The following DOCK1 variants were observed in gnomAD, a reference collection of about 807,000 sequenced individuals.
DOCK1 encodes dedicator of cytokinesis protein 1.
DOCK1 carries 138 observed loss-of-function variants against 262.7 expected under a neutral mutation model. The observed-to-expected ratio is 0.53, with a 90% CI of 0.46 to 0.61. DOCK1 has a LOEUF of 0.61. Among genes scored for constraint, DOCK1 ranks in the 20% least tolerant of loss-of-function variants. The probability of loss-of-function intolerance (pLI) is 0.00; values close to 1 mark genes in which losing one functional copy is unlikely to be tolerated. For missense variants in DOCK1, 1,908 were observed against 2,370.7 expected (o/e 0.80, Z 4.05); for synonymous variants, 866 against 867.4 (o/e 1.00, Z 0.03).
At position 127,399,697 on chromosome 10, in the gene DOCK1, T is replaced by C. The variant is rs935051783; in HGVS notation, c.3928-3358T>C. 3.3e-5 allele frequency among the ~76,000 whole-genome samples: 5 copies of C among 152,158 alleles called. No individual in the cohort carries two copies. In the South Asian group the frequency reaches 1.0e-3, roughly 31 times the overall value. On this transcript the variant is annotated intron_variant, in intron 38 of 51. Coordinates refer to ENST00000623213, the MANE Select transcript of DOCK1 (RefSeq NM_001290223.2). ...AGGAATGAATTAGAAGCCCTGGCATTCTAGGCAGCTACAGAGTTTGTATCC... is the reference window on the plus strand; with the variant it reads ...AGGAATGAATTAGAAGCCCTGGCATCCTAGGCAGCTACAGAGTTTGTATCC...
chr10:127,143,395 G>A (rs1282753244), intron 27 of DOCK1, among the ~76,000 whole-genome samples: 5 of 152,272 alleles, frequency 3.3e-5, no homozygotes, highest in Middle Eastern at 3.4e-3. Context: ...AGTGCTAACC[G>A]TGGCTCTGTG....
intron 47 of DOCK1, among the ~76,000 whole-genome samples, chr10:127,429,891 A>G (rs1053473817): frequency 5.9e-5 from 9 of 151,692 alleles, no homozygotes; most frequent in African/African-American, 2.2e-4. Flanking sequence ...GTTGGCCTTC[A>G]GGCTTGTGAA....
intron 1 of DOCK1, among the ~76,000 whole-genome samples, chr10:126,936,939 T>G (rs894536982): frequency 7.8e-4 from 119 of 152,312 alleles, no homozygotes; most frequent in Middle Eastern, 6.8e-3. Context: ...CATCAGACAC[T>G]AACCCTCCCT....
At chr10:127,207,881 A>G (rs1295149145) in intron 27 of DOCK1, among the ~76,000 whole-genome samples, 1 of 152,196 alleles carries the variant, frequency 6.6e-6, no homozygotes, top group Admixed American at 6.5e-5. Flanking sequence ...GGCTTATAGC[A>G]TAAGTTGTTG....
At chr10:127,410,386 G>A (rs1053997700) in intron 42 of DOCK1, among the ~76,000 whole-genome samples, 8 of 152,204 alleles carry the variant, frequency 5.3e-5, no homozygotes, top group Admixed American at 3.9e-4. Context: ...CTGTGCATGC[G>A]GAAAGCCTGC....
At chr10:126,958,530 A>G (rs994574718) in intron 1 of DOCK1, among the ~76,000 whole-genome samples, 9,008 of 152,158 alleles carry the variant, frequency 0.059, 308 homozygotes, top group African/African-American at 0.078. Flanking sequence ...AGAGGTGATG[A>G]TGTCTTGATT....
intron 49 of DOCK1, among the ~76,000 whole-genome samples, chr10:127,440,755 A>G (rs2070061644): frequency 6.6e-6 from 1 of 152,200 alleles, no homozygotes; most frequent in Non-Finnish European, 1.5e-5. Flanking sequence ...GCCTGTGGGT[A>G]GGTGCTGTGG....
At chr10:127,112,296 G>A (rs1027358005) in intron 25 of DOCK1, among the ~76,000 whole-genome samples, 18 of 152,168 alleles carry the variant, frequency 1.2e-4, no homozygotes, top group African/African-American at 4.3e-4. Context: ...ACAGGCGTGA[G>A]CCACCGAGCC....
intron 30 of DOCK1, among the ~76,000 whole-genome samples, chr10:127,339,648 TGCGCGCGC>T (rs56813753): frequency 2.8e-5 from 4 of 143,760 alleles, no homozygotes; most frequent in Non-Finnish European, 6.0e-5. Flanking sequence ...TGTGTGTGTG[TGCGCGCGC>T]GCATGCATGC....
At chr10:127,115,529 T>G (rs1161379179) in intron 25 of DOCK1, among the ~76,000 whole-genome samples, 1 of 152,250 alleles carries the variant, frequency 6.6e-6, no homozygotes, top group Non-Finnish European at 1.5e-5. Context: ...TAGCTTTGTT[T>G]CCATGTGATT....
At chr10:127,190,655 A>G (rs2056657241) in intron 27 of DOCK1, among the ~76,000 whole-genome samples, 1 of 69,192 alleles carries the variant, frequency 1.4e-5, no homozygotes, top group African/African-American at 4.4e-5. Flanking sequence ...ATTTAATAGA[A>G]ATCCTATCTT....
intron 25 of DOCK1, among the ~76,000 whole-genome samples, chr10:127,111,509 T>C (rs902423671): frequency 6.6e-6 from 1 of 152,182 alleles, no homozygotes; most frequent in Non-Finnish European, 1.5e-5. Flanking sequence ...TGACTGTCCA[T>C]ATTTCAGTTT....
At chr10:126,963,274 G>T (rs2134565946) in intron 1 of DOCK1, among the ~76,000 whole-genome samples, 1 of 152,226 alleles carries the variant, frequency 6.6e-6, no homozygotes, top group East Asian at 1.9e-4. Flanking sequence ...TGAATCTGTA[G>T]ATCGTTTCGG....
intron 23 of DOCK1, 70 bp downstream of exon 23, chr10:127,061,846 G>A (rs2045551084): frequency 1.6e-6 from 2 of 1,216,502 alleles, no homozygotes; most frequent in African/African-American, 1.6e-5. Context: ...TTGGAGGTAG[G>A]TATTTTGATT....
In DOCK1 at chr10:126,960,730, A is replaced by G. The variant is rs933419618; in HGVS notation, c.47-9972A>G. ...TAAACAGACCTACCCTCAAATATAT[A>G]TATATATATATATATACACACACAC... is the stretch of plus-strand genomic sequence containing the variant. On this transcript the variant is annotated intron_variant, in intron 1 of 51. Coordinates refer to ENST00000623213, the MANE Select transcript of DOCK1 (RefSeq NM_001290223.2). 2.0e-3 allele frequency among the ~76,000 whole-genome samples: 279 copies of G among 136,672 alleles called. 3 individuals are homozygous for G. The highest frequency in any genetic ancestry group is 8.1e-3 in the African/African-American group (266 of 32,708). The allele number at this position is 136,672 out of a possible 152,430, so 89.7% of individuals were successfully genotyped here. A position where few individuals can be genotyped will look rare whatever the true frequency, so the allele number is the denominator to read the frequency against.
chr10:126,963,643 C>CCTCA (rs2037439855), intron 1 of DOCK1, among the ~76,000 whole-genome samples: 1 of 105,416 alleles, frequency 9.5e-6, no homozygotes. Flanking sequence ...CCCTTCCCTC[C>CCTCA]TTCCTTCCTT....
At chr10:127,070,498 C>T (rs923019562) in intron 23 of DOCK1, among the ~76,000 whole-genome samples, 67 of 151,972 alleles carry the variant, frequency 4.4e-4, no homozygotes, top group African/African-American at 1.6e-3. Context: ...GTGATCTGCC[C>T]GCCTCGGCCT....
intron 13 of DOCK1, among the ~76,000 whole-genome samples, chr10:127,021,044 C>T (rs1432614336): frequency 2.0e-5 from 3 of 152,162 alleles, no homozygotes; most frequent in Admixed American, 2.0e-4. Context: ...CCTTCTTCCC[C>T]AGAATGTTCT....
intron 23 of DOCK1, among the ~76,000 whole-genome samples, chr10:127,084,440 C>A (rs1364696387): frequency 6.6e-6 from 1 of 152,190 alleles, no homozygotes; most frequent in East Asian, 1.9e-4. Flanking sequence ...TGGCTGTCCT[C>A]AGGGTGTCTG....
Sources: gnomAD v4.1 joint callset for allele counts (sites outside exome capture counted in the v4.1 genomes callset) on GRCh38, gnomAD v4.1.1 for gene constraint, MANE v1.5 for transcripts, NCBI Gene and HGNC (gene_info 2026-07-23, HGNC 2026-07-21) for gene names.